APBA1: variants seen among roughly 807,000 people sequenced by gnomAD.
The protein encoded by APBA1 is amyloid beta precursor protein binding family A member 1, also known as amyloid-beta A4 precursor protein-binding family A member 1.
A neutral mutation model predicts 86.6 loss-of-function variants in APBA1; 55 were observed. The ratio of observed to expected loss-of-function variants is 0.64; its 90% CI spans 0.51 to 0.80. The LOEUF is 0.80. Ranked by LOEUF, APBA1 falls within the 30% of genes least tolerant of loss-of-function variation. The pLI, the probability that APBA1 is intolerant of heterozygous loss-of-function variation, is 0.00. For synonymous variants in APBA1, 511 were observed against 493.9 expected (o/e 1.03, Z -0.46); for missense variants, 1,090 against 1,183.0 (o/e 0.92, Z 1.15).
chr9:69,446,749 C>G (rs978062422), intron 10 of APBA1, among the ~76,000 whole-genome samples: 4 of 152,170 alleles, frequency 2.6e-5, no homozygotes, highest in African/African-American at 9.7e-5. Flanking sequence ...CCTTTAGAGT[C>G]TCTGATGGCC....
chr9:69,537,065 A>G (rs1271780754), intron 1 of APBA1, among the ~76,000 whole-genome samples: 4 of 150,554 alleles, frequency 2.7e-5, no homozygotes, highest in African/African-American at 9.7e-5. Context: ...ATGTATATAT[A>G]TATACATATA....
At chr9:69,601,161 C>G (rs1053429824) in intron 1 of APBA1, among the ~76,000 whole-genome samples, 14 of 152,112 alleles carry the variant, frequency 9.2e-5, no homozygotes, top group Admixed American at 9.2e-4. Flanking sequence ...AATTACTTTC[C>G]AGGAAAAGTT....
At chr9:69,506,450 C>T (rs1220546176) in intron 2 of APBA1, among the ~76,000 whole-genome samples, 11 of 102,668 alleles carry the variant, frequency 1.1e-4, no homozygotes, top group Middle Eastern at 3.9e-3. Flanking sequence ...GCTAGCACAG[C>T]AGTCTGAGAT....
chr9:69,580,516 C>G (rs1310731431), intron 1 of APBA1, among the ~76,000 whole-genome samples: 1 of 152,048 alleles, frequency 6.6e-6, no homozygotes, highest in Non-Finnish European at 1.5e-5. Flanking sequence ...ACCCTCCTGG[C>G]CCGTGTCAAC....
intron 8 of APBA1, among the ~76,000 whole-genome samples, chr9:69,453,063 T>C (rs1835038874): frequency 6.6e-6 from 1 of 152,258 alleles, no homozygotes. Flanking sequence ...ACTATCTCAT[T>C]ATGCCTTTCA....
intron 1 of APBA1, among the ~76,000 whole-genome samples, chr9:69,544,926 A>G (rs1463554620): frequency 2.0e-5 from 3 of 152,204 alleles, no homozygotes; most frequent in East Asian, 3.9e-4. Flanking sequence ...TGGTTCTTCA[A>G]TGAAGCTAGA....
Position 69,522,112 on chromosome 9 carries a change from G to A in APBA1, c.-69-4833C>T, listed in dbSNP as rs7864226. On this transcript the variant is annotated intron_variant, in intron 1 of 12. Coordinates refer to ENST00000265381, the MANE Select transcript of APBA1 (RefSeq NM_001163.4). ...ATATATAAATTATATATATATATAT[G>A]TGTGTGTGTATATATATAAAATTTA... 7.8e-3 allele frequency among the ~76,000 whole-genome samples: 1,180 copies of A among 150,866 alleles called. 20 individuals carry two copies. Among genetic ancestry groups the A allele is most frequent in the African/African-American group, 0.028 (1,130 of 41,016 alleles).
rs540524905 is a variant in APBA1, at chr9:69,449,850, T to C, written c.1969-54A>G. 844 of 1,520,500 alleles carry C rather than the reference T, an allele frequency of 5.6e-4. 4 individuals carry two copies. In the South Asian group the frequency reaches 7.7e-3, roughly 14 times the overall value. 94.2% of individuals were successfully genotyped at this position (1,520,500 alleles called of 1,614,324 possible). ...TCCATCAGTGACCATCTGGGGTAGG[T>C]AGAAATGAAAGCCTCTCCCCCATTC... On this transcript the variant is annotated intron_variant, in intron 9 of 12. Coordinates refer to ENST00000265381, the MANE Select transcript of APBA1 (RefSeq NM_001163.4).
intron 1 of APBA1, among the ~76,000 whole-genome samples, chr9:69,574,222 T>C (rs190691463): frequency 6.6e-6 from 1 of 152,318 alleles, no homozygotes; most frequent in Admixed American, 6.5e-5. Context: ...CCTGGGTCCA[T>C]ACCGCCCTGA....
Position 69,486,403 on chromosome 9 carries a change from G to A in APBA1, c.1201-10260C>T, listed in dbSNP as rs17082116. On this transcript the variant is annotated intron_variant, in intron 2 of 12. Coordinates refer to ENST00000265381, the MANE Select transcript of APBA1 (RefSeq NM_001163.4). The stretch of plus-strand genomic sequence containing the variant: ...GTCATTATTATTTATTTGTTCCTTC[G>A]ACAGACATCTCAGTGCCTATCTGTG... 3.4e-4 allele frequency among the ~76,000 whole-genome samples: 52 copies of A among 152,176 alleles called. No homozygotes were observed. In the East Asian group the frequency reaches 7.9e-3, roughly 23 times the overall value.
intron 1 of APBA1, among the ~76,000 whole-genome samples, chr9:69,546,868 C>A (rs1175532288): frequency 6.6e-6 from 1 of 152,030 alleles, no homozygotes; most frequent in Non-Finnish European, 1.5e-5. Flanking sequence ...TGATATGCAC[C>A]CTTCTGACCC....
intron 1 of APBA1, among the ~76,000 whole-genome samples, chr9:69,523,807 C>T (rs1297595336): frequency 1.3e-5 from 2 of 151,788 alleles, no homozygotes; most frequent in Non-Finnish European, 2.9e-5. Context: ...GAACATACTC[C>T]AAGATCAAAC....
intron 1 of APBA1, among the ~76,000 whole-genome samples, chr9:69,596,677 T>C (rs537211546): frequency 2.0e-5 from 3 of 152,204 alleles, no homozygotes; most frequent in Non-Finnish European, 4.4e-5. Flanking sequence ...TTACATTTCA[T>C]TGACTAGTAC....
chr9:69,579,820 C>T lies in APBA1; in HGVS notation c.-69-62541G>A, dbSNP rs1430149691. 2.6e-5 allele frequency among the ~76,000 whole-genome samples: 4 copies of T among 152,102 alleles called. No homozygotes were observed. The East Asian group carries it at 7.7e-4, about 29-fold the overall frequency. ...AAGGAGAGGACAGAAAAGAGAAAAGCCAATTTGGAAATAGATCTAATTTGA... is the reference window on the plus strand; with the variant it reads ...AAGGAGAGGACAGAAAAGAGAAAAGTCAATTTGGAAATAGATCTAATTTGA... On this transcript the variant is annotated intron_variant, in intron 1 of 12. Coordinates refer to ENST00000265381, the MANE Select transcript of APBA1 (RefSeq NM_001163.4).
chr9:69,651,976 T>C (rs937380676), intron 1 of APBA1, among the ~76,000 whole-genome samples: 1 of 152,170 alleles, frequency 6.6e-6, no homozygotes, highest in Non-Finnish European at 1.5e-5. Context: ...CATGAACTCA[T>C]ATGGATGGGG....
At chr9:69,448,304 G>C (rs1311270615) in intron 10 of APBA1, among the ~76,000 whole-genome samples, 1 of 152,254 alleles carries the variant, frequency 6.6e-6, no homozygotes, top group Non-Finnish European at 1.5e-5. Context: ...TGGCAAGCCA[G>C]CTTCCTCAGA....
At chr9:69,434,852 T>A (rs1202298015) in intron 11 of APBA1, among the ~76,000 whole-genome samples, 1 of 152,020 alleles carries the variant, frequency 6.6e-6, no homozygotes, top group Non-Finnish European at 1.5e-5. Context: ...CGTGCAGGTT[T>A]GTTACATATG....
At chr9:69,519,536 T>G (rs10481752) in intron 1 of APBA1, among the ~76,000 whole-genome samples, 113,334 of 152,184 alleles carry the variant, frequency 0.74, 42,457 homozygotes, top group East Asian at 0.91. Context: ...CATTGGGTTC[T>G]TAAGGTACAA....
chr9:69,513,615 A>G (rs1164884104), intron 2 of APBA1, among the ~76,000 whole-genome samples: 1 of 152,148 alleles, frequency 6.6e-6, no homozygotes, highest in Non-Finnish European at 1.5e-5. Context: ...GAGTGCACTT[A>G]TTTTTCACTA....
Sources: allele counts gnomAD v4.1 joint callset (sites outside exome capture counted in the v4.1 genomes callset), GRCh38; gene constraint gnomAD v4.1.1; transcripts MANE v1.5; gene names NCBI Gene and HGNC (gene_info 2026-07-23, HGNC 2026-07-21).